Variants in TAF15 observed in about 807,000 individuals in gnomAD.
The protein encoded by TAF15 is TATA-box binding protein associated factor 15.
In TAF15, 37 loss-of-function variants were observed where a neutral mutation model predicts 102.5. The ratio of observed to expected loss-of-function variants is 0.36; its 90% confidence interval spans 0.28 to 0.47. TAF15 has a LOEUF of 0.47. Ranked by LOEUF, TAF15 falls within the 20% of genes least tolerant of loss-of-function variation. TAF15 has a pLI of 0.99. For synonymous variants in TAF15, 273 were observed against 259.2 expected, an observed-to-expected ratio of 1.05 and a Z score of -0.51; for missense variants, 652 against 760.7, an observed-to-expected ratio of 0.86 and a Z score of 1.68.
Position 35,838,695 on chromosome 17 carries a change from A to G in TAF15, c.913+142A>G, listed in dbSNP as rs1457939165. On this transcript the variant is annotated intron_variant, in intron 11 of 15. Transcript: ENST00000605844. Reference sequence around the variant, plus strand: ...AGAATACAGGTCAGAATTTTTATGTACCTTTAGAAATGAGATGAGCTCTAT... The same window carrying G: ...AGAATACAGGTCAGAATTTTTATGTGCCTTTAGAAATGAGATGAGCTCTAT... 4 of 1,256,518 alleles carry G rather than the reference A, an allele frequency of 3.2e-6. No homozygotes were observed. The Admixed American group carries it at 7.9e-5, about 25-fold the overall frequency. The allele number at this position is 1,256,518 out of a possible 1,614,324, so 77.8% of individuals were successfully genotyped here.
intron 1 of TAF15, among the ~76,000 whole-genome samples, chr17:35,815,916 C>T (rs894117981): frequency 7.9e-5 from 12 of 152,114 alleles, no homozygotes; most frequent in African/African-American, 2.7e-4. Context: ...TAGTTTTATG[C>T]CCTCCATATT....
rs752227531 is a variant in TAF15, at chr17:35,834,357, C to T, written c.641-209C>T. 3 of 577,748 alleles carry T rather than the reference C, an allele frequency of 5.2e-6. No individual in the cohort carries two copies. In the Admixed American group the frequency reaches 9.0e-5, roughly 17 times the overall value. The allele number at this position is 577,748 out of a possible 1,614,324, so 35.8% of individuals were successfully genotyped here. On this transcript the variant is annotated intron_variant, in intron 8 of 15. Transcript: ENST00000605844. The stretch of plus-strand genomic sequence containing the variant: ...CTAAAGTGGCAGGTGCTGTCTAGGA[C>T]AAGTTAAAGGAAATGTTGACATTCA...
chr17:35,826,558 ATTTT>A (rs551894376), intron 7 of TAF15, among the ~76,000 whole-genome samples: 3 of 136,772 alleles, frequency 2.2e-5, no homozygotes, highest in Non-Finnish European at 3.1e-5. Flanking sequence ...AGTTCATATA[ATTTT>A]TTTTTTTTTT....
intron 1 of TAF15, 49 bp downstream of exon 1, chr17:35,809,625 G>A (rs766727601): frequency 8.2e-5 from 133 of 1,612,508 alleles, no homozygotes; most frequent in Non-Finnish European, 1.1e-4. Context: ...AGGTCCTGGC[G>A]GGGTTGGGCT....
intron 11 of TAF15, among the ~76,000 whole-genome samples, chr17:35,841,780 C>A: frequency 6.6e-6 from 1 of 151,770 alleles, no homozygotes; most frequent in African/African-American, 2.4e-5. Flanking sequence ...TCACTGCAGC[C>A]TTGAATTCCC....
intron 9 of TAF15, among the ~76,000 whole-genome samples, chr17:35,835,345 G>A (rs2087461110): frequency 6.6e-6 from 1 of 152,204 alleles, no homozygotes; most frequent in South Asian, 2.1e-4. Flanking sequence ...TCATACATGA[G>A]AGAATTGTCT....
At chr17:35,821,399 C>T (rs948031332) in intron 5 of TAF15, among the ~76,000 whole-genome samples, 2 of 152,136 alleles carry the variant, frequency 1.3e-5, no homozygotes, top group Non-Finnish European at 2.9e-5. Flanking sequence ...TTTTTGGAAG[C>T]ATGACCTATA....
Position 35,844,817 on chromosome 17 carries a change from A to C in TAF15, c.1518A>C (p.Gly506=). 1 of 1,594,202 alleles carries C rather than the reference A, an allele frequency of 6.3e-7. No homozygotes were observed. Among genetic ancestry groups the C allele is most frequent in the Non-Finnish European group, 8.6e-7 (1 of 1,165,986 alleles). Residue 506 remains glycine, a synonymous_variant, in exon 15 of 16, where the codon GGA becomes GGC. Transcript: ENST00000605844. ...GAGGAGGCTATGGAGGAGATCGAGG[A>C]GGTTACGGAGGAGATCGAGGAGGTT... The part of the protein sequence containing the change: ...GDRGGYGGDR[G]GYGGDRGGYG...
Position 35,844,097 on chromosome 17 carries a change from C to T in TAF15, c.1027C>T (p.Arg343Cys), listed in dbSNP as rs2087579960. The change falls in exon 13 of 16, where the codon CGT becomes TGT. Residue 343 changes from arginine to cysteine, a missense_variant. Around this residue, in one of 3 missense-constraint regions of TAF15, gnomAD observed 368 missense variants for 367.5 expected, o/e 1.00. Transcript: ENST00000605844. Reference sequence around the variant, plus strand: ...CCTAGGCCGTGGAGGATATAGAGGTCGTGGAGGCTTTCAAGGGAGAGGTGG... The same window carrying T: ...CCTAGGCCGTGGAGGATATAGAGGTTGTGGAGGCTTTCAAGGGAGAGGTGG... Reference protein sequence around the residue: ...GRRGRGGYRGRGGFQGRGGDP... With the variant: ...GRRGRGGYRGCGGFQGRGGDP... The T allele has an allele frequency of 8.7e-6, 14 of 1,613,966 alleles. No homozygotes were observed. The East Asian group carries it at 1.1e-4, about 13-fold the overall frequency.
intron 1 of TAF15, 82 bp from the exon 2 acceptor site, chr17:35,817,634 A>T: frequency 8.0e-7 from 1 of 1,250,868 alleles, no homozygotes. Flanking sequence ...TTCTTACCAC[A>T]TTTCTTCTGT....
Position 35,824,141 on chromosome 17 carries a change from G to A in TAF15, c.548G>A (p.Gly183Glu). 6.2e-7 allele frequency: 1 copy of A among 1,614,116 alleles called. No individual in the cohort carries two copies. The highest frequency in any genetic ancestry group is 1.3e-5 in the African/African-American group (1 of 75,038). The part of the protein sequence containing the change: ...DNRGYGGSQG[G>E]GRGRGGYDKD... Reference sequence around the variant, plus strand: ...AGAGGATATGGCGGGTCACAGGGAGGAGGTAGAGGGCGTGGGGGATATGAC... The same window carrying A: ...AGAGGATATGGCGGGTCACAGGGAGAAGGTAGAGGGCGTGGGGGATATGAC... Residue 183 changes from glycine to glutamate, a missense_variant, in exon 7 of 16, where the codon GGA (glycine) becomes GAA (glutamate). By Grantham distance (98) the Gly-to-Glu change is moderately conservative. Coordinates refer to ENST00000605844, the MANE Select transcript of TAF15 (RefSeq NM_139215.3).
intron 10 of TAF15, among the ~76,000 whole-genome samples, chr17:35,837,049 C>T (rs1296396892): frequency 6.6e-6 from 1 of 152,044 alleles, no homozygotes; most frequent in Non-Finnish European, 1.5e-5. Flanking sequence ...CCCAGGATTA[C>T]AGTAGGAATG....
intron 6 of TAF15, 85 bp downstream of exon 6, chr17:35,822,918 T>C: frequency 6.6e-7 from 1 of 1,524,034 alleles, no homozygotes; most frequent in Non-Finnish European, 9.1e-7. Flanking sequence ...CACAGAGGAT[T>C]TCACCTGTTT....
At chr17:35,820,960 T>G (rs1407377702) in intron 5 of TAF15, among the ~76,000 whole-genome samples, 2 of 152,214 alleles carry the variant, frequency 1.3e-5, no homozygotes, top group African/African-American at 4.8e-5. Context: ...GGTACTTAAT[T>G]TTATGCTATT....
Position 35,842,840 on chromosome 17 carries a change from C to A in TAF15, c.1006+381C>A, listed in dbSNP as rs558136639. ...CTCCGCCTCCCGGGTTCAAGTGATT[C>A]TCCTGCCTCAGCCTCCCAACTAGCT... On this transcript the variant is annotated intron_variant, in intron 12 of 15. Transcript: ENST00000605844. Among the ~76,000 whole-genome samples, 4 of 152,142 alleles carry A rather than the reference C, an allele frequency of 2.6e-5. No homozygotes were observed. In the South Asian group the frequency reaches 8.3e-4, roughly 32 times the overall value.
intron 11 of TAF15, among the ~76,000 whole-genome samples, chr17:35,841,478 CTTT>C (rs113419533): frequency 3.4e-4 from 49 of 145,522 alleles, no homozygotes; most frequent in African/African-American, 1.2e-3. Flanking sequence ...GCACCTGACT[CTTT>C]TTTTTTTTTG....
At chr17:35,816,859 G>T (rs1308966535) in intron 1 of TAF15, 1 of 103,946 alleles carries the variant, frequency 9.6e-6, no homozygotes, top group Non-Finnish European at 1.7e-5. Context: ...GTGTCATTCA[G>T]TCGTGCAGGC....
chr17:35,842,569 CT>C, intron 12 of TAF15, 110 bp downstream of exon 12: 4 of 811,956 alleles, frequency 4.9e-6, no homozygotes, highest in Non-Finnish European at 6.3e-6. Context: ...CTCGCTAGGT[CT>C]TTTTCCCTCT....
Position 35,829,631 on chromosome 17 carries a change from CAAAAAAAA to C in TAF15, c.606-4258_606-4251del, listed in dbSNP as rs746776421. Among the ~76,000 whole-genome samples the C allele has an allele frequency of 3.9e-4, 13 of 33,124 alleles. No homozygotes were observed. In the East Asian group the frequency reaches 4.3e-3, roughly 11 times the overall value. The allele number at this position is 33,124 out of a possible 152,430, so 21.7% of individuals were successfully genotyped here. On this transcript the variant is annotated intron_variant, in intron 7 of 15. Transcript: ENST00000605844. ...TGGGAGACAGAGCGAGACTCCATCT[CAAAAAAAA>C]AAAAAAAAAAAAAAAAAGAGAGAGA...
Sources: gnomAD v4.1 joint callset for allele counts (sites outside exome capture counted in the v4.1 genomes callset) on GRCh38, gnomAD v4.1.1 for gene constraint, gnomAD v4.1.1 regional missense constraint, MANE v1.5 for transcripts, NCBI Gene and HGNC (gene_info 2026-07-23, HGNC 2026-07-21) for gene names.